Variants in DCAF8L2 observed in about 807,000 individuals in gnomAD.
DCAF8L2 encodes DDB1- and CUL4-associated factor 8-like protein 2.
For synonymous variants in DCAF8L2, 200 were observed against 190.9 expected, an observed-to-expected ratio of 1.05 and a Z score of -0.39; for missense variants, 430 against 490.7, an observed-to-expected ratio of 0.88 and a Z score of 1.17.
chrX:27,482,946 T>G, the DCAF8L2 span, among the ~76,000 whole-genome samples: 1 of 111,687 alleles, frequency 9.0e-6, no homozygotes, highest in African/African-American at 3.2e-5. Flanking sequence ...TGTATTGTTT[T>G]GTGTTTGCTT....
the DCAF8L2 span, among the ~76,000 whole-genome samples, chrX:27,480,261 A>G: frequency 2.0e-4 from 23 of 112,531 alleles, no homozygotes; most frequent in African/African-American, 6.4e-4. Context: ...AGGAAAATGG[A>G]TATTAATCAT....
At chrX:27,500,564 C>T in the DCAF8L2 span, among the ~76,000 whole-genome samples, 1 of 111,401 alleles carries the variant, frequency 9.0e-6, no homozygotes, top group Non-Finnish European at 1.9e-5. Flanking sequence ...AAAAAAAGAG[C>T]AAAATTCAAT....
At chrX:27,625,741 A>C (rs753631201) in intron 1 of DCAF8L2, among the ~76,000 whole-genome samples, 1 of 111,925 alleles carries the variant, frequency 8.9e-6, no homozygotes, top group East Asian at 2.8e-4. Context: ...TATTATCCTA[A>C]GTAAACCAAC....
At chrX:27,595,368 C>G (rs912646557) in intron 1 of DCAF8L2, among the ~76,000 whole-genome samples, 3 of 111,575 alleles carry the variant, frequency 2.7e-5, no homozygotes, top group African/African-American at 6.5e-5. Context: ...TCTAGTCATT[C>G]TCATCTCAGT....
chrX:27,723,713 A>C (rs1197273243), intron 4 of DCAF8L2, among the ~76,000 whole-genome samples: 1 of 111,346 alleles, frequency 9.0e-6, no homozygotes, highest in Non-Finnish European at 1.9e-5. Flanking sequence ...CTTCTCTTCC[A>C]GGTATTTGTC....
At chrX:27,533,476 G>T in the DCAF8L2 span, among the ~76,000 whole-genome samples, 1 of 111,331 alleles carries the variant, frequency 9.0e-6, no homozygotes, top group Non-Finnish European at 1.9e-5. Context: ...TATTTACATA[G>T]TATTAAGATA....
chrX:27,636,684 G>A (rs1864764283), intron 2 of DCAF8L2, among the ~76,000 whole-genome samples: 1 of 111,522 alleles, frequency 9.0e-6, no homozygotes, highest in African/African-American at 3.3e-5. Context: ...AATTTTACTG[G>A]AAGAATATTA....
chrX:27,527,330 C>T, the DCAF8L2 span, among the ~76,000 whole-genome samples: 1 of 112,298 alleles, frequency 8.9e-6, no homozygotes, highest in Non-Finnish European at 1.9e-5. Context: ...AAGCCAGGCA[C>T]AGGATATAAT....
chrX:27,584,189 T>C, the DCAF8L2 span, among the ~76,000 whole-genome samples: 1 of 111,808 alleles, frequency 8.9e-6, no homozygotes, highest in Non-Finnish European at 1.9e-5. Flanking sequence ...ATCTTCTGCC[T>C]TGTTATCAGC....
intron 2 of DCAF8L2, among the ~76,000 whole-genome samples, chrX:27,649,476 T>C (rs1602697924): frequency 8.9e-6 from 1 of 112,123 alleles, no homozygotes; most frequent in African/African-American, 3.2e-5. Flanking sequence ...AATCTGTTGT[T>C]TTTTGACGTT....
At chrX:27,528,740 G>T in the DCAF8L2 span, among the ~76,000 whole-genome samples, 1 of 110,154 alleles carries the variant, frequency 9.1e-6, no homozygotes, top group African/African-American at 3.3e-5. Context: ...GCTTTATTTT[G>T]ATCAACCTAG....
intron 4 of DCAF8L2, among the ~76,000 whole-genome samples, chrX:27,726,238 G>GA (rs961922021): frequency 9.0e-6 from 1 of 111,168 alleles, no homozygotes; most frequent in Non-Finnish European, 1.9e-5. Flanking sequence ...ATCTGAATGG[G>GA]ATTTGGGAGA....
At chrX:27,644,475 T>C (rs1272435724) in intron 2 of DCAF8L2, among the ~76,000 whole-genome samples, 1 of 110,686 alleles carries the variant, frequency 9.0e-6, no homozygotes, top group Non-Finnish European at 1.9e-5. Flanking sequence ...GTCACATCTG[T>C]TTACATTGAT....
the DCAF8L2 span, among the ~76,000 whole-genome samples, chrX:27,527,913 A>G: frequency 9.3e-6 from 1 of 107,278 alleles, no homozygotes; most frequent in Non-Finnish European, 1.9e-5. Context: ...TGGCCTCCCA[A>G]AGTGCTGGGA....
chrX:27,583,447 AG>A, the DCAF8L2 span, among the ~76,000 whole-genome samples: 3 of 110,966 alleles, frequency 2.7e-5, no homozygotes, highest in Non-Finnish European at 5.7e-5. Flanking sequence ...GACAATTTTA[AG>A]CTGTTGTTTC....
chrX:27,568,515 A>G, the DCAF8L2 span, among the ~76,000 whole-genome samples: 1 of 111,531 alleles, frequency 9.0e-6, no homozygotes, highest in African/African-American at 3.3e-5. Flanking sequence ...TTTTCTCTAG[A>G]CAGGACTGTA....
the DCAF8L2 span, among the ~76,000 whole-genome samples, chrX:27,500,980 G>A: frequency 9.0e-6 from 1 of 111,384 alleles, no homozygotes; most frequent in Non-Finnish European, 1.9e-5. Flanking sequence ...CCTGAATCAT[G>A]GTTTGCGCAA....
the DCAF8L2 span, among the ~76,000 whole-genome samples, chrX:27,544,845 C>A: frequency 9.0e-6 from 1 of 111,302 alleles, no homozygotes; most frequent in Non-Finnish European, 1.9e-5. Flanking sequence ...TTCTCAGGAC[C>A]AGGAAATCAG....
the DCAF8L2 span, among the ~76,000 whole-genome samples, chrX:27,491,217 G>A: frequency 9.0e-6 from 1 of 111,424 alleles, no homozygotes; most frequent in Non-Finnish European, 1.9e-5. Flanking sequence ...TCATTTACTC[G>A]GTGATTTTCT....
Sources: allele counts gnomAD v4.1 joint callset (sites outside exome capture counted in the v4.1 genomes callset), GRCh38; gene constraint gnomAD v4.1.1; transcripts MANE v1.5; gene names NCBI Gene and HGNC (gene_info 2026-07-23, HGNC 2026-07-21).